The following DTNA variants were observed in gnomAD, a reference collection of about 807,000 sequenced individuals.
The protein encoded by DTNA is dystrobrevin alpha, also known as dystrophin-related protein 3.
A neutral mutation model predicts 100.7 loss-of-function variants in DTNA; 43 were observed. The observed-to-expected ratio is 0.43, with a 90% confidence interval of 0.33 to 0.55. The LOEUF (loss-of-function observed/expected upper bound fraction) is 0.55, where lower values mean the gene tolerates loss of function less well. DTNA is among the 20% of genes least tolerant of loss of function. The pLI, the probability that DTNA is intolerant of heterozygous loss-of-function variation, is 0.04. For synonymous variants in DTNA, 349 were observed against 347.9 expected (o/e 1.00, Z -0.04); for missense variants, 798 against 953.9 (o/e 0.84, Z 2.15).
intron 17 of DTNA, 73 bp downstream of exon 17, chr18:34,864,135 C>CAAA: frequency 7.2e-7 from 1 of 1,386,586 alleles, no homozygotes; most frequent in Non-Finnish European, 9.9e-7. Flanking sequence ...ACATAATGTG[C>CAAA]AATGGTTTTT....
At chr18:34,762,729 C>T in intron 2 of DTNA, among the ~76,000 whole-genome samples, 1 of 152,202 alleles carries the variant, frequency 6.6e-6, no homozygotes, top group East Asian at 1.9e-4. Context: ...ATATCTGACA[C>T]ACTAAATTGT....
chr18:34,882,622 C>A (rs1442268560), intron 21 of DTNA, among the ~76,000 whole-genome samples: 1 of 152,126 alleles, frequency 6.6e-6, no homozygotes. Flanking sequence ...CCCACCTCAG[C>A]CTCCCAAAGT....
intron 3 of DTNA, among the ~76,000 whole-genome samples, chr18:34,789,424 G>A (rs1285369405): frequency 1.3e-5 from 2 of 152,180 alleles, no homozygotes. Flanking sequence ...CCTTATTGTA[G>A]TTATGGTGCT....
chr18:34,828,606 T>C (rs896939112), intron 10 of DTNA, among the ~76,000 whole-genome samples: 28 of 152,194 alleles, frequency 1.8e-4, no homozygotes, highest in African/African-American at 6.8e-4. Flanking sequence ...CAGCTGATTT[T>C]TTTTCCTCTG....
At chr18:34,493,780 CA>C (rs1446754496) in intron 1 of DTNA, 1 of 148,866 alleles carries the variant, frequency 6.7e-6, no homozygotes, top group Non-Finnish European at 1.5e-5. Context: ...GCGCACCGAG[CA>C]AAGTCAAGAG....
chr18:34,656,338 A>G (rs377615559), intron 1 of DTNA, among the ~76,000 whole-genome samples: 29 of 152,316 alleles, frequency 1.9e-4, no homozygotes, highest in Admixed American at 3.3e-4. Context: ...AAGACTGGCT[A>G]TACAGTTTGG....
intron 1 of DTNA, chr18:34,755,503 C>A (rs144375632): frequency 5.8e-6 from 1 of 171,484 alleles, no homozygotes; most frequent in African/African-American, 2.4e-5. Flanking sequence ...CAACTGGCAA[C>A]AGGATGAGAT....
chr18:34,738,008 G>C (rs368894021), intron 1 of DTNA: 2 of 152,174 alleles, frequency 1.3e-5, no homozygotes, highest in African/African-American at 4.8e-5. Context: ...CGGAAAAGCT[G>C]CCCTGTGGTA....
intron 2 of DTNA, among the ~76,000 whole-genome samples, chr18:34,760,573 G>T (rs927964382): frequency 6.6e-6 from 1 of 152,110 alleles, no homozygotes; most frequent in African/African-American, 2.4e-5. Flanking sequence ...GTCTGAGGAG[G>T]GCTCATTGTC....
chr18:34,511,707 C>G (rs568865940), intron 1 of DTNA, among the ~76,000 whole-genome samples: 98 of 152,094 alleles, frequency 6.4e-4, no homozygotes, highest in African/African-American at 2.3e-3. Context: ...CTCTCCAGAA[C>G]TGTGATTAAG....
intron 1 of DTNA, among the ~76,000 whole-genome samples, chr18:34,559,270 T>C (rs1199266301): frequency 6.6e-6 from 1 of 152,248 alleles, no homozygotes; most frequent in Non-Finnish European, 1.5e-5. Context: ...AATTCAAAAC[T>C]CACAGTTGTT....
intron 1 of DTNA, among the ~76,000 whole-genome samples, chr18:34,697,629 G>A (rs894151768): frequency 6.6e-6 from 1 of 152,168 alleles, no homozygotes; most frequent in African/African-American, 2.4e-5. Flanking sequence ...TCCAGGACAA[G>A]GCTTAGAGTG....
chr18:34,813,621 A>G lies in DTNA; in HGVS notation c.603+1508A>G, dbSNP rs1003912789. On this transcript the variant is annotated intron_variant, in intron 6 of 22. Transcript: ENST00000444659. ...TGTAAGCCCAGCACTTTGGGAGGCC[A>G]AGGCGGGCGGATCACAAGGTCAGGA... Among the ~76,000 whole-genome samples the G allele has an allele frequency of 5.3e-5, 8 of 152,040 alleles. No homozygotes were observed. In the South Asian group the frequency reaches 1.5e-3, roughly 28 times the overall value.
intron 1 of DTNA, among the ~76,000 whole-genome samples, chr18:34,722,406 T>G (rs1008085006): frequency 6.6e-6 from 1 of 152,120 alleles, no homozygotes; most frequent in African/African-American, 2.4e-5. Flanking sequence ...AGTAAAATAC[T>G]ACTGGGAAGG....
At chr18:34,672,948 G>A (rs1272389882) in intron 1 of DTNA, among the ~76,000 whole-genome samples, 4 of 150,598 alleles carry the variant, frequency 2.7e-5, no homozygotes, top group African/African-American at 1.0e-4. Flanking sequence ...TTTCCTAAAA[G>A]GAGAGTTACT....
chr18:34,882,317 A>T (rs1603352412), intron 21 of DTNA, 116 bp downstream of exon 21: 1 of 1,383,228 alleles, frequency 7.2e-7, no homozygotes, highest in South Asian at 1.3e-5. Context: ...CCCTTTTCAA[A>T]ATACACTGAT....
chr18:34,571,637 G>T (rs951442739), intron 1 of DTNA, among the ~76,000 whole-genome samples: 3 of 152,066 alleles, frequency 2.0e-5, no homozygotes, highest in Non-Finnish European at 4.4e-5. Context: ...GTGATTTGAG[G>T]TGCTCTTAAT....
In DTNA at chr18:34,890,694, TTTGG is replaced by T; in HGVS notation, c.*2966_*2969del. Reference sequence around the variant, plus strand: ...TGGTCAGGACGGAAGTTGGGGTAAGTTTGGTTGGTCAGAGGGAGTTGTGCTGGAG... The same window carrying T: ...TGGTCAGGACGGAAGTTGGGGTAAGTTTGGTCAGAGGGAGTTGTGCTGGAG... On this transcript the variant is annotated 3_prime_UTR_variant, in exon 23 of 23. Transcript: ENST00000444659. 3 of 589,846 alleles carry T rather than the reference TTTGG, an allele frequency of 5.1e-6. No individual in the cohort carries two copies. In the East Asian group the frequency reaches 9.2e-5, roughly 18 times the overall value. The allele number at this position is 589,846 out of a possible 1,614,324, so 36.5% of individuals were successfully genotyped here. A position where few individuals can be genotyped will look rare whatever the true frequency, so the allele number is the denominator to read the frequency against.
At chr18:34,867,595 G>T (rs2096719703) in intron 17 of DTNA, 1 of 1,038,140 alleles carries the variant, frequency 9.6e-7, no homozygotes, top group Non-Finnish European at 1.2e-6. Context: ...AAGGAAATAA[G>T]GTTCAATTAT....
Sources: allele counts gnomAD v4.1 joint callset (sites outside exome capture counted in the v4.1 genomes callset), GRCh38; gene constraint gnomAD v4.1.1; transcripts MANE v1.5; gene names NCBI Gene and HGNC (gene_info 2026-07-23, HGNC 2026-07-21).